Variants in NIPBL observed in about 807,000 individuals in gnomAD.
NIPBL encodes nipped-B-like protein.
NIPBL carries 19 observed loss-of-function variants against 321.8 expected under a neutral mutation model. That is an observed-to-expected ratio of 0.06 (90% confidence interval 0.04 to 0.09). The LOEUF is 0.09. NIPBL is among the 10% of genes least tolerant of loss of function. The pLI, the probability that NIPBL is intolerant of heterozygous loss-of-function variation, is 1.00. For missense variants in NIPBL, 2,210 were observed against 3,327.0 expected (o/e 0.66, Z 8.26); for synonymous variants, 1,106 against 1,114.1 (o/e 0.99, Z 0.14).
Position 36,985,802 on chromosome 5 carries a change from A to C in NIPBL, c.2622A>C (p.Ser874=). The change falls in exon 10 of 47, where the codon TCA becomes TCC. Residue 874 remains serine, a synonymous_variant. Transcript: ENST00000282516. ...TAGAACGAAAACACAGGCATGAATC[A>C]GGGGACTCAAGGGAAAGACCATCTT... ...DKLERKHRHE[S]GDSRERPSSG... 1 of 1,613,974 alleles carries C rather than the reference A, an allele frequency of 6.2e-7. No homozygotes were observed. Among genetic ancestry groups the C allele is most frequent in the Non-Finnish European group, 8.5e-7 (1 of 1,179,952 alleles).
intron 1 of NIPBL, among the ~76,000 whole-genome samples, chr5:36,896,415 C>T (rs967232930): frequency 2.6e-5 from 4 of 152,160 alleles, no homozygotes; most frequent in African/African-American, 9.7e-5. Context: ...CTGGATCTCT[C>T]ATTTTCATAT....
intron 1 of NIPBL, among the ~76,000 whole-genome samples, chr5:36,943,546 AT>A (rs2149586078): frequency 6.6e-6 from 1 of 152,162 alleles, no homozygotes; most frequent in South Asian, 2.1e-4. Flanking sequence ...ATATGTAACT[AT>A]AAAAAAAAAA....
At position 37,049,306 on chromosome 5, in the gene NIPBL, G is replaced by A; in HGVS notation, c.6954+5G>A. 2 of 1,613,886 alleles carry A rather than the reference G, an allele frequency of 1.2e-6. No individual in the cohort carries two copies. The highest frequency in any genetic ancestry group is 1.7e-6 in the Non-Finnish European group (2 of 1,179,904). ...GGTCTTATTCATCCAGTTCAGGTAAGCATGTTTTATGGCAGCAGCACTTAC... is the reference window on the plus strand; with the variant it reads ...GGTCTTATTCATCCAGTTCAGGTAAACATGTTTTATGGCAGCAGCACTTAC... On this transcript the variant is annotated splice_donor_5th_base_variant and intron_variant, in intron 40 of 46. Coordinates refer to ENST00000282516, the MANE Select transcript of NIPBL (RefSeq NM_133433.4).
intron 1 of NIPBL, among the ~76,000 whole-genome samples, chr5:36,926,045 C>A (rs914036093): frequency 1.3e-5 from 2 of 152,300 alleles, no homozygotes; most frequent in Non-Finnish European, 1.5e-5. Flanking sequence ...TCTCCATTAC[C>A]ATGGCAATAC....
rs193011921 is a variant in NIPBL, at chr5:37,026,207, T to C, written c.5710-22T>C. On this transcript the variant is annotated intron_variant, in intron 30 of 46. Coordinates refer to ENST00000282516, the MANE Select transcript of NIPBL (RefSeq NM_133433.4). ...GCCGTATTTGTTATAATTAGTTAAT[T>C]TGAAATTTCTCTTCCTTCTAGAAAT... 298 of 1,408,268 alleles carry C rather than the reference T, an allele frequency of 2.1e-4. 2 individuals are homozygous for C. The East Asian group carries it at 5.7e-3, about 27-fold the overall frequency. 87.2% of individuals were successfully genotyped at this position (1,408,268 alleles called of 1,614,324 possible). A position where few individuals can be genotyped will look rare whatever the true frequency, so the allele number is the denominator to read the frequency against.
At chr5:37,052,855 A>C (rs1753715218) in intron 42 of NIPBL, among the ~76,000 whole-genome samples, 2 of 152,310 alleles carry the variant, frequency 1.3e-5, no homozygotes, top group Middle Eastern at 3.4e-3. Flanking sequence ...CAACATCACT[A>C]AACTAATCGC....
chr5:36,986,851 T>C (rs1485812956), intron 10 of NIPBL, among the ~76,000 whole-genome samples: 2 of 152,168 alleles, frequency 1.3e-5, no homozygotes, highest in Non-Finnish European at 2.9e-5. Flanking sequence ...GGTACTTACT[T>C]TTTAAATTTG....
chr5:36,992,691 A>C (rs1217941685), intron 10 of NIPBL, among the ~76,000 whole-genome samples: 1 of 151,394 alleles, frequency 6.6e-6, no homozygotes, highest in African/African-American at 2.4e-5. Flanking sequence ...CTCAGGCCTG[A>C]ATATGGGAAA....
intron 1 of NIPBL, among the ~76,000 whole-genome samples, chr5:36,886,778 C>T (rs1745940453): frequency 1.3e-5 from 2 of 151,280 alleles, no homozygotes; most frequent in Admixed American, 6.6e-5. Flanking sequence ...AATCAGTTTC[C>T]TGCTCCTACT....
intron 34 of NIPBL, among the ~76,000 whole-genome samples, chr5:37,042,627 T>C (rs1752531690): frequency 6.6e-6 from 1 of 151,772 alleles, no homozygotes; most frequent in Non-Finnish European, 1.5e-5. Context: ...CCATCTCTAC[T>C]AAAAATACAA....
intron 1 of NIPBL, among the ~76,000 whole-genome samples, chr5:36,925,955 A>G (rs1749330716): frequency 6.6e-6 from 1 of 152,198 alleles, no homozygotes; most frequent in Admixed American, 6.5e-5. Context: ...TTAGCTAGGT[A>G]TCATTTATGA....
intron 1 of NIPBL, chr5:36,886,305 G>T: frequency 1.5e-6 from 1 of 680,822 alleles, no homozygotes. Context: ...AGACCATGCT[G>T]AACATCAAGG....
chr5:37,010,267 A>G (rs778476094), intron 21 of NIPBL, 42 bp downstream of exon 21: 2 of 1,406,430 alleles, frequency 1.4e-6, no homozygotes, highest in Admixed American at 3.4e-5. Context: ...ACTTTTATTG[A>G]AGGAAATACC....
At chr5:36,878,516 C>CAAACTTTA (rs1272427705) in intron 1 of NIPBL, among the ~76,000 whole-genome samples, 4 of 152,170 alleles carry the variant, frequency 2.6e-5, no homozygotes, top group African/African-American at 9.7e-5. Flanking sequence ...TTCATATTCG[C>CAAACTTTA]TGAAGGAAAA....
intron 39 of NIPBL, 52 bp downstream of exon 39, chr5:37,048,727 C>T: frequency 1.5e-6 from 2 of 1,307,720 alleles, no homozygotes; most frequent in Non-Finnish European, 1.1e-6. Context: ...ATTATAATGG[C>T]TTTATCTTCT....
intron 7 of NIPBL, 101 bp downstream of exon 7, chr5:36,971,137 A>G: frequency 1.1e-6 from 1 of 923,112 alleles, no homozygotes; most frequent in Non-Finnish European, 1.7e-6. Flanking sequence ...ACCGTATATC[A>G]TTATACTGGG....
chr5:37,038,931 G>A (rs961166645), intron 34 of NIPBL, among the ~76,000 whole-genome samples, 193 bp downstream of exon 34: 14 of 152,110 alleles, frequency 9.2e-5, no homozygotes, highest in African/African-American at 3.1e-4. Context: ...CCATTTTGCT[G>A]TAAACTCCTC....
chr5:36,894,801 T>C (rs981663841), intron 1 of NIPBL, among the ~76,000 whole-genome samples: 1 of 152,230 alleles, frequency 6.6e-6, no homozygotes, highest in African/African-American at 2.4e-5. Context: ...GCTTGTCACA[T>C]TTTCTTACTG....
intron 1 of NIPBL, among the ~76,000 whole-genome samples, chr5:36,932,541 A>G (rs565882021): frequency 1.3e-5 from 2 of 151,906 alleles, no homozygotes; most frequent in East Asian, 1.9e-4. Context: ...TATATTTTCT[A>G]TTATTTTACT....
Sources: allele counts gnomAD v4.1 joint callset (sites outside exome capture counted in the v4.1 genomes callset), GRCh38; gene constraint gnomAD v4.1.1; transcripts MANE v1.5; gene names NCBI Gene and HGNC (gene_info 2026-07-23, HGNC 2026-07-21).